NXF1: variants seen among roughly 807,000 people sequenced by gnomAD.
The protein encoded by NXF1 is mRNA export factor TAP.
A neutral mutation model predicts 92.4 loss-of-function variants in NXF1; 43 were observed. The ratio of observed to expected loss-of-function variants is 0.47; its 90% CI spans 0.36 to 0.60. The LOEUF is 0.60. Ranked by LOEUF, NXF1 falls within the 20% of genes least tolerant of loss-of-function variation. NXF1 has a pLI of 0.00. For synonymous variants in NXF1, 288 were observed against 292.2 expected, an observed-to-expected ratio of 0.99 and a Z score of 0.15; for missense variants, 576 against 793.0, an observed-to-expected ratio of 0.73 and a Z score of 3.29.
At position 62,793,902 on chromosome 11, in the gene NXF1, G is replaced by A. The variant is rs555452702; in HGVS notation, c.1760+356C>T. Reference sequence around the variant, plus strand: ...TGTAATCCCAGCTACTCGGGAGGCTGAGATTGGAGAATTGCTTGAACCCGG... The same window carrying A: ...TGTAATCCCAGCTACTCGGGAGGCTAAGATTGGAGAATTGCTTGAACCCGG... On this transcript the variant is annotated intron_variant, in intron 19 of 20. Transcript: ENST00000294172. Among the ~76,000 whole-genome samples the A allele has an allele frequency of 4.9e-4, 74 of 151,008 alleles. 1 individual carries two copies. Among genetic ancestry groups the A allele is most frequent in the African/African-American group, 1.6e-3 (67 of 41,088 alleles).
chr11:62,803,597 G>T (rs764307538), intron 2 of NXF1, 25 bp from the exon 3 acceptor site: 9 of 1,613,304 alleles, frequency 5.6e-6, no homozygotes, highest in South Asian at 2.2e-5. Context: ...AGAATAAAAT[G>T]ACCACAAATG....
At position 62,801,555 on chromosome 11, in the gene NXF1, A is replaced by G; in HGVS notation, c.709+7T>C. ...ACCTATCTGAGAACTACTGCTGTCA[A>G]CCATACCTGGGTCTGAACGGAGGCC... On this transcript the variant is annotated splice_region_variant and intron_variant, in intron 7 of 20. Transcript: ENST00000294172. 2 of 1,614,134 alleles carry G rather than the reference A, an allele frequency of 1.2e-6. No homozygotes were observed. The highest frequency in any genetic ancestry group is 2.2e-5 in the East Asian group (1 of 44,886).
intron 1 of NXF1, among the ~76,000 whole-genome samples, chr11:62,804,934 C>A (rs1399355059): frequency 6.6e-6 from 1 of 152,118 alleles, no homozygotes; most frequent in Non-Finnish European, 1.5e-5. Context: ...GAATATTAAG[C>A]CAAAGCCCAG....
intron 18 of NXF1, 51 bp downstream of exon 18, chr11:62,794,884 T>C: frequency 1.3e-6 from 2 of 1,536,314 alleles, no homozygotes; most frequent in South Asian, 1.1e-5. Flanking sequence ...ATTACCACAC[T>C]GTTGGCCATG....
intron 10 of NXF1, 87 bp from the exon 11 acceptor site, chr11:62,798,662 G>C: frequency 6.3e-7 from 1 of 1,592,152 alleles, no homozygotes; most frequent in Non-Finnish European, 8.5e-7. Flanking sequence ...CAAACCCGAG[G>C]GACAGCCCAT....
Position 62,803,820 on chromosome 11 carries a change from C to T in NXF1, c.187G>A (p.Asp63Asn). 2 of 1,614,044 alleles carry T rather than the reference C, an allele frequency of 1.2e-6. No homozygotes were observed. The highest frequency in any genetic ancestry group is 1.7e-6 in the Non-Finnish European group (2 of 1,179,948). ...EEDDGDVAMS[D>N]AQDGPRVRYN... ...CGTACTCGGGGACCATCCTGGGCAT[C>T]ACTCATTGCCACATCTCCATCATCT... is the stretch of plus-strand genomic sequence containing the variant. Residue 63 changes from aspartate to asparagine, a missense_variant, in exon 2 of 21, where the codon GAT (aspartate) becomes AAT (asparagine). This residue lies in a region of NXF1 where 151 missense variants were observed against 157.8 expected (regional missense o/e 0.96). Coordinates refer to ENST00000294172, the MANE Select transcript of NXF1 (RefSeq NM_006362.5).
chr11:62,805,361 C>T lies in NXF1; in HGVS notation c.-5G>A, dbSNP rs1196938094. ...CGACTTCCCCTCGTCCGCCATGCCA[C>T]AGCGAAGATCAAGGGCGGGCTCAGG... On this transcript the variant is annotated 5_prime_UTR_variant, in exon 1 of 21. The change creates a new upstream start codon in the 5' untranslated region. Transcript: ENST00000294172. The T allele has an allele frequency of 6.2e-7, 1 of 1,611,536 alleles. No individual in the cohort carries two copies.
In NXF1 at chr11:62,792,450, G is replaced by A. The variant is rs1048319568; in HGVS notation, c.*26C>T. On this transcript the variant is annotated 3_prime_UTR_variant, in exon 21 of 21. Transcript: ENST00000294172. Reference sequence around the variant, plus strand: ...AATATCCAAGGACTATTTACAGGGGGGACTGCTTCTGAGGCATGACTACGA... The same window carrying A: ...AATATCCAAGGACTATTTACAGGGGAGACTGCTTCTGAGGCATGACTACGA... 7 of 1,613,648 alleles carry A rather than the reference G, an allele frequency of 4.3e-6. No individual in the cohort carries two copies. The African/African-American group carries it at 6.7e-5, about 15-fold the overall frequency.
chr11:62,793,307 G>A (rs1244172468), intron 19 of NXF1, among the ~76,000 whole-genome samples: 1 of 152,086 alleles, frequency 6.6e-6, no homozygotes, highest in African/African-American at 2.4e-5. Flanking sequence ...TTGATCTCTT[G>A]ACCTCGTGAT....
At position 62,792,166 on chromosome 11, in the gene NXF1, C is replaced by G; in HGVS notation, c.*310G>C. 1.5e-6 allele frequency: 1 copy of G among 647,638 alleles called. No homozygotes were observed. Among genetic ancestry groups the G allele is most frequent in the Non-Finnish European group, 2.6e-6 (1 of 381,110 alleles). The allele number at this position is 647,638 out of a possible 1,614,324, so 40.1% of individuals were successfully genotyped here. On this transcript the variant is annotated 3_prime_UTR_variant, in exon 21 of 21. Transcript: ENST00000294172. ...TCTTTATATTAAAAAGTGCAGAACA[C>G]GAAATACAACATCACTCTTTATATT...
At chr11:62,796,020 C>T (rs772152309) in intron 16 of NXF1, 46 bp downstream of exon 16, 2 of 1,608,280 alleles carry the variant, frequency 1.2e-6, no homozygotes, top group South Asian at 1.1e-5. Context: ...TAAATGCCAC[C>T]CCCACCCCAA....
chr11:62,804,171 C>T (rs2084510212), intron 1 of NXF1, 193 bp from the exon 2 acceptor site: 1 of 1,531,472 alleles, frequency 6.5e-7, no homozygotes, highest in African/African-American at 1.4e-5. Context: ...GGAAAAGTTA[C>T]TGGAAAACTG....
Position 62,805,388 on chromosome 11 carries a change from G to A in NXF1, c.-32C>T, listed in dbSNP as rs778965926. 12 of 1,609,812 alleles carry A rather than the reference G, an allele frequency of 7.5e-6. No individual in the cohort carries two copies. The highest frequency in any genetic ancestry group is 3.3e-5 in the South Asian group (3 of 90,078). On this transcript the variant is annotated 5_prime_UTR_variant, in exon 1 of 21. Transcript: ENST00000294172. ...GCGAAGATCAAGGGCGGGCTCAGGCGCTGGCCGCTACGCCGGCAAACAACC... is the reference window on the plus strand; with the variant it reads ...GCGAAGATCAAGGGCGGGCTCAGGCACTGGCCGCTACGCCGGCAAACAACC...
intron 18 of NXF1, 98 bp from the exon 19 acceptor site, chr11:62,794,538 C>T (rs1012880605): frequency 3.2e-5 from 34 of 1,058,326 alleles, no homozygotes; most frequent in Non-Finnish European, 4.7e-5. Context: ...ACAAGGTCCC[C>T]CTCCCACTCT....
At chr11:62,794,823 G>T in intron 18 of NXF1, 112 bp downstream of exon 18, 2 of 969,446 alleles carry the variant, frequency 2.1e-6, no homozygotes, top group African/African-American at 1.6e-5. Context: ...AGCTTTCTCT[G>T]ATTTCCTGTT....
chr11:62,799,244 C>A, intron 10 of NXF1: 1 of 985,582 alleles, frequency 1.0e-6, no homozygotes, highest in Non-Finnish European at 1.2e-6. Flanking sequence ...GAGAAAGACA[C>A]CCTGACACAG....
chr11:62,796,910 T>C (rs897718356), intron 13 of NXF1: 5 of 536,898 alleles, frequency 9.3e-6, no homozygotes, highest in Non-Finnish European at 1.7e-5. Context: ...GTACGAAAAA[T>C]ACAAAAATTA....
Position 62,804,025 on chromosome 11 carries a change from G to A in NXF1, c.29-47C>T, listed in dbSNP as rs748168123. On this transcript the variant is annotated intron_variant, in intron 1 of 20. Coordinates refer to ENST00000294172, the MANE Select transcript of NXF1 (RefSeq NM_006362.5). The stretch of plus-strand genomic sequence containing the variant: ...CAAATTAGAAGTAAGTAACTGGTCC[G>A]GTTTGGTGTGGCAATCATAGCTTCT... 6 of 1,602,250 alleles carry A rather than the reference G, an allele frequency of 3.7e-6. No homozygotes were observed. The Admixed American group carries it at 6.7e-5, about 18-fold the overall frequency.
chr11:62,796,388 T>C (rs1361255437), intron 14 of NXF1, 43 bp from the exon 15 acceptor site: 1 of 1,613,448 alleles, frequency 6.2e-7, no homozygotes, highest in East Asian at 2.2e-5. Context: ...AGAGCAGTGC[T>C]GCCAGCAGGT....
Sources: gnomAD v4.1 joint callset for allele counts (sites outside exome capture counted in the v4.1 genomes callset) on GRCh38, gnomAD v4.1.1 for gene constraint, gnomAD v4.1.1 regional missense constraint, MANE v1.5 for transcripts, NCBI Gene and HGNC (gene_info 2026-07-23, HGNC 2026-07-21) for gene names.